ZNF532: variants seen among roughly 807,000 people sequenced by gnomAD.
The protein encoded by ZNF532 is zinc finger protein 532.
A neutral mutation model predicts 89.3 loss-of-function variants in ZNF532; 22 were observed. The ratio of observed to expected loss-of-function variants is 0.25; its 90% confidence interval spans 0.18 to 0.35. The LOEUF (loss-of-function observed/expected upper bound fraction) is 0.35. ZNF532 is among the 10% of genes least tolerant of loss of function. The pLI is 1.00. For synonymous variants in ZNF532, 606 were observed against 649.6 expected, an observed-to-expected ratio of 0.93 and a Z score of 1.02; for missense variants, 1,132 against 1,643.4, an observed-to-expected ratio of 0.69 and a Z score of 5.38.
At chr18:58,875,906 G>A (rs1397278915) in intron 2 of ZNF532, among the ~76,000 whole-genome samples, 1 of 144,956 alleles carries the variant, frequency 6.9e-6, no homozygotes, top group Non-Finnish European at 1.5e-5. Flanking sequence ...TCACACTTTA[G>A]TTTGCATACA....
intron 6 of ZNF532, among the ~76,000 whole-genome samples, chr18:58,950,383 T>C (rs957704004): frequency 2.0e-5 from 3 of 152,240 alleles, no homozygotes; most frequent in Admixed American, 6.5e-5. Flanking sequence ...TAATCACTTA[T>C]GTTCTCATTT....
chr18:58,910,287 A>G lies in ZNF532; in HGVS notation c.-17-7984A>G, dbSNP rs540373279. Among the ~76,000 whole-genome samples, 4 of 152,320 alleles carry G rather than the reference A, an allele frequency of 2.6e-5. 1 individual carries two copies. In the South Asian group the frequency reaches 8.3e-4, roughly 32 times the overall value. ...TCCTTTTTCATTAGCCTTACAATGTACAGTCATAATTTTGTTTTCTGAGTT... is the reference window on the plus strand; with the variant it reads ...TCCTTTTTCATTAGCCTTACAATGTGCAGTCATAATTTTGTTTTCTGAGTT... On this transcript the variant is annotated intron_variant, in intron 2 of 9. Coordinates refer to ENST00000591808, the MANE Select transcript of ZNF532 (RefSeq NM_001375912.1).
intron 2 of ZNF532, among the ~76,000 whole-genome samples, chr18:58,888,897 A>ATATAAAATATATATATATAT (rs2058683327): frequency 1.3e-5 from 1 of 77,536 alleles, no homozygotes; most frequent in Non-Finnish European, 2.4e-5. Flanking sequence ...TATTTTATAT[A>ATATAAAATATATATATATAT]TATATATATA....
chr18:58,948,507 T>G (rs950167980), intron 6 of ZNF532, among the ~76,000 whole-genome samples: 3 of 151,990 alleles, frequency 2.0e-5, no homozygotes, highest in African/African-American at 7.2e-5. Flanking sequence ...AAGTTTTTTG[T>G]TTTTTGTTTT....
chr18:58,893,710 G>A (rs551426652), intron 2 of ZNF532, among the ~76,000 whole-genome samples: 2 of 152,026 alleles, frequency 1.3e-5, no homozygotes, highest in South Asian at 2.1e-4. Context: ...GTGAATTTTG[G>A]ACCCACATGC....
At chr18:58,920,687 G>T in intron 3 of ZNF532, 54 bp downstream of exon 3, 1 of 1,477,614 alleles carries the variant, frequency 6.8e-7, no homozygotes. Flanking sequence ...AGGCATGAGT[G>T]CTTGATAAGA....
At position 58,939,405 on chromosome 18, in the gene ZNF532, T is replaced by C. The variant is rs749030277; in HGVS notation, c.2529-40T>C. 16 of 1,568,732 alleles carry C rather than the reference T, an allele frequency of 1.0e-5. No individual in the cohort carries two copies. In the East Asian group the frequency reaches 3.4e-4, roughly 33 times the overall value. ...AGTTTTTGCAGTTACACGTGTGTTATGGTCTTGTGCTAATGACCGTGTGTT... is the reference window on the plus strand; with the variant it reads ...AGTTTTTGCAGTTACACGTGTGTTACGGTCTTGTGCTAATGACCGTGTGTT... On this transcript the variant is annotated intron_variant, in intron 4 of 9. Coordinates refer to ENST00000591808, the MANE Select transcript of ZNF532 (RefSeq NM_001375912.1).
At chr18:58,888,174 G>A (rs1289988394) in intron 2 of ZNF532, among the ~76,000 whole-genome samples, 2 of 152,070 alleles carry the variant, frequency 1.3e-5, no homozygotes, top group East Asian at 3.9e-4. Flanking sequence ...TATATAGGCA[G>A]ACAGTATAAA....
chr18:58,909,670 A>G lies in ZNF532; in HGVS notation c.-17-8601A>G, dbSNP rs561193494. Among the ~76,000 whole-genome samples the G allele has an allele frequency of 8.5e-5, 13 of 152,296 alleles. No individual in the cohort carries two copies. The South Asian group carries it at 2.1e-3, about 24-fold the overall frequency. On this transcript the variant is annotated intron_variant, in intron 2 of 9. Coordinates refer to ENST00000591808, the MANE Select transcript of ZNF532 (RefSeq NM_001375912.1). ...GAGGTCACAGGCAACATGAAAGATG[A>G]TTAGCAGCAAAAACAGGCACGCGGG...
At chr18:58,956,685 G>T (rs750760914) in intron 7 of ZNF532, among the ~76,000 whole-genome samples, 34 of 152,084 alleles carry the variant, frequency 2.2e-4, no homozygotes, top group Non-Finnish European at 4.6e-4. Context: ...CCTTATCACT[G>T]AACCCAGTTC....
At chr18:58,976,167 T>C (rs2067024596) in intron 7 of ZNF532, among the ~76,000 whole-genome samples, 1 of 152,200 alleles carries the variant, frequency 6.6e-6, no homozygotes, top group South Asian at 2.1e-4. Context: ...TAAACCTCAT[T>C]TTCTTGTCAC....
intron 2 of ZNF532, among the ~76,000 whole-genome samples, chr18:58,910,163 A>C (rs2060192751): frequency 6.6e-6 from 1 of 152,240 alleles, no homozygotes; most frequent in Non-Finnish European, 1.5e-5. Flanking sequence ...CACATCTTGT[A>C]ATTCTAACAC....
At chr18:58,957,011 A>G (rs970682347) in intron 7 of ZNF532, among the ~76,000 whole-genome samples, 3 of 152,208 alleles carry the variant, frequency 2.0e-5, no homozygotes, top group Admixed American at 1.3e-4. Context: ...TTAATAGACC[A>G]AGAATGAGTT....
At chr18:58,977,535 T>C (rs953118709) in intron 7 of ZNF532, 3 of 152,158 alleles carry the variant, frequency 2.0e-5, no homozygotes, top group African/African-American at 7.2e-5. Flanking sequence ...CAAGCGGTTA[T>C]GGGAAAATGA....
chr18:58,896,146 A>G (rs1285547585), intron 2 of ZNF532, among the ~76,000 whole-genome samples: 4 of 152,052 alleles, frequency 2.6e-5, no homozygotes, highest in South Asian at 4.1e-4. Flanking sequence ...ACCCAGCCAG[A>G]TCCTTGCTTT....
intron 2 of ZNF532, among the ~76,000 whole-genome samples, chr18:58,912,726 TTAAG>T (rs1185381373): frequency 6.6e-6 from 1 of 152,224 alleles, no homozygotes; most frequent in East Asian, 1.9e-4. Flanking sequence ...TGGCAAGTAA[TTAAG>T]AGATTCCATA....
In ZNF532 at chr18:58,919,543, C is replaced by T. The variant is rs1225657265; in HGVS notation, c.1256C>T (p.Pro419Leu). The change falls in exon 3 of 10, where the codon CCC becomes CTC. Residue 419 changes from proline (P) to leucine (L), a missense_variant. Physicochemically the swap from Pro to Leu is moderately conservative, Grantham distance 98. Transcript: ENST00000591808. The surrounding 1 kb of genome is among the most constrained non-coding windows in gnomAD (Gnocchi z 6.1). ...GCATCAGCCGCCGTCCTTTCCTCTC[C>T]CCCCAGGGCGCCTCTCCAGTCTGCG... ...SPASAAVLSS[P>L]PRAPLQSAVV... is the part of the protein sequence containing the mutation. The T allele has an allele frequency of 1.9e-6, 3 of 1,614,180 alleles. No individual in the cohort carries two copies. Among genetic ancestry groups the T allele is most frequent in the South Asian group, 1.1e-5 (1 of 91,080 alleles).
In ZNF532 at chr18:58,983,366, T is replaced by C. The variant is rs2068055857; in HGVS notation, c.3412-606T>C. ...CTAAAAGCAAAATCCTGACACTCTCTCCCACAAGGGGCGTTACAGTTCACC... is the reference window on the plus strand; with the variant it reads ...CTAAAAGCAAAATCCTGACACTCTCCCCCACAAGGGGCGTTACAGTTCACC... On this transcript the variant is annotated intron_variant, in intron 9 of 9. Coordinates refer to ENST00000591808, the MANE Select transcript of ZNF532 (RefSeq NM_001375912.1). Among the ~76,000 whole-genome samples, 3 of 152,072 alleles carry C rather than the reference T, an allele frequency of 2.0e-5. 1 individual carries two copies. Among genetic ancestry groups the C allele is most frequent in the African/African-American group, 7.2e-5 (3 of 41,404 alleles).
intron 2 of ZNF532, among the ~76,000 whole-genome samples, chr18:58,867,842 C>A (rs1035745686): frequency 2.6e-5 from 4 of 152,174 alleles, no homozygotes; most frequent in Non-Finnish European, 5.9e-5. Context: ...GAACTCTCAG[C>A]GCAACCTGGT....
Sources: allele counts gnomAD v4.1 joint callset (sites outside exome capture counted in the v4.1 genomes callset), GRCh38; gene constraint gnomAD v4.1.1; non-coding constraint Gnocchi (gnomAD v3.1); transcripts MANE v1.5; gene names NCBI Gene and HGNC (gene_info 2026-07-23, HGNC 2026-07-21).